TCP11L1: variants seen among roughly 807,000 people sequenced by gnomAD.
TCP11L1 encodes t-complex 11 like 1.
A neutral mutation model predicts 48.9 loss-of-function variants in TCP11L1; 28 were observed. The observed-to-expected ratio is 0.57, with a 90% CI of 0.42 to 0.78. TCP11L1 has a LOEUF of 0.78. TCP11L1 is among the 30% of genes least tolerant of loss of function. The pLI is 0.00. For synonymous variants in TCP11L1, 204 were observed against 231.9 expected, an observed-to-expected ratio of 0.88 and a Z score of 1.09; for missense variants, 505 against 613.4, an observed-to-expected ratio of 0.82 and a Z score of 1.87.
At position 33,060,980 on chromosome 11, in the gene TCP11L1, G is replaced by A. The variant is rs369163879; in HGVS notation, c.776-550G>A. Reference sequence around the variant, plus strand: ...ACTATTATTATTATTATTTTAGACAGGGTCTAGCTCTGTCCCCCAGGCTGG... The same window carrying A: ...ACTATTATTATTATTATTTTAGACAAGGTCTAGCTCTGTCCCCCAGGCTGG... On this transcript the variant is annotated intron_variant, in intron 6 of 9. Coordinates refer to ENST00000334274, the MANE Select transcript of TCP11L1 (RefSeq NM_018393.4). 8.5e-5 allele frequency among the ~76,000 whole-genome samples: 13 copies of A among 152,162 alleles called. No homozygotes were observed. In the East Asian group the frequency reaches 2.1e-3, roughly 25 times the overall value.
chr11:33,055,940 C>T (rs1222474601), intron 3 of TCP11L1, among the ~76,000 whole-genome samples: 5 of 152,174 alleles, frequency 3.3e-5, no homozygotes, highest in Non-Finnish European at 7.4e-5. Flanking sequence ...GACTTAGCCT[C>T]CTGAGTAGCT....
chr11:33,055,624 G>A (rs1854287302), intron 3 of TCP11L1, among the ~76,000 whole-genome samples: 1 of 152,132 alleles, frequency 6.6e-6, no homozygotes, highest in South Asian at 2.1e-4. Context: ...AGAGTATATT[G>A]TTGCCCTGAA....
At chr11:33,055,361 G>A (rs1006989929) in intron 3 of TCP11L1, among the ~76,000 whole-genome samples, 1 of 152,182 alleles carries the variant, frequency 6.6e-6, no homozygotes, top group Non-Finnish European at 1.5e-5. Flanking sequence ...GAATGCTGCA[G>A]CTCCAAGCAT....
chr11:33,050,838 A>C (rs1474750842), intron 2 of TCP11L1, among the ~76,000 whole-genome samples: 7 of 151,228 alleles, frequency 4.6e-5, no homozygotes, highest in African/African-American at 1.7e-4. Context: ...TTTTTAGACA[A>C]GGTCTCTATC....
At chr11:33,052,426 G>GT (rs2133708522) in intron 2 of TCP11L1, among the ~76,000 whole-genome samples, 1 of 150,736 alleles carries the variant, frequency 6.6e-6, no homozygotes, top group East Asian at 1.9e-4. Flanking sequence ...ACCAAATAAA[G>GT]TTTTTTACCA....
chr11:33,042,933 G>T (rs1202158704), intron 1 of TCP11L1, among the ~76,000 whole-genome samples: 4 of 152,240 alleles, frequency 2.6e-5, no homozygotes. Context: ...AGGCATGGTG[G>T]TGGGCGCCTA....
chr11:33,067,055 A>C (rs1374749963), intron 8 of TCP11L1, among the ~76,000 whole-genome samples: 2 of 152,178 alleles, frequency 1.3e-5, no homozygotes, highest in Non-Finnish European at 2.9e-5. Context: ...GAGGAAGGTC[A>C]TGAGAGAAAC....
At chr11:33,061,912 C>G (rs970011615) in intron 7 of TCP11L1, among the ~76,000 whole-genome samples, 186 bp downstream of exon 7, 11 of 152,132 alleles carry the variant, frequency 7.2e-5, no homozygotes, top group Non-Finnish European at 1.6e-4. Flanking sequence ...AAAACACCCT[C>G]TGTACTAAAA....
chr11:33,054,628 C>G lies in TCP11L1; in HGVS notation c.199C>G (p.Leu67Val), dbSNP rs1338664736. Reference sequence around the variant, plus strand: ...TCGCTTTGTGACAGTAGAAGAACTTCTAGAGACAGCGAGAGGTGTCACCAA... The same window carrying G: ...TCGCTTTGTGACAGTAGAAGAACTTGTAGAGACAGCGAGAGGTGTCACCAA... ...PPRFVTVEEL[L>V]ETARGVTNMA... Residue 67 changes from leucine (L) to valine (V), a missense_variant, in exon 3 of 10, where the codon CTA (leucine) becomes GTA (valine). Transcript: ENST00000334274. 2.5e-6 allele frequency: 4 copies of G among 1,613,952 alleles called. No homozygotes were observed. Among genetic ancestry groups the G allele is most frequent in the Non-Finnish European group, 3.4e-6 (4 of 1,179,950 alleles).
chr11:33,065,501 G>C (rs1854587765), intron 7 of TCP11L1, among the ~76,000 whole-genome samples: 1 of 152,178 alleles, frequency 6.6e-6, no homozygotes, highest in South Asian at 2.1e-4. Context: ...GACCTCAGGT[G>C]ATCTGCCCAC....
intron 2 of TCP11L1, among the ~76,000 whole-genome samples, chr11:33,044,340 CT>C (rs1176211494): frequency 6.6e-6 from 1 of 152,216 alleles, no homozygotes; most frequent in Non-Finnish European, 1.5e-5. Context: ...CCCTAATTCT[CT>C]GCCTGGGGGC....
chr11:33,054,338 G>A (rs1854249438), intron 2 of TCP11L1, among the ~76,000 whole-genome samples: 1 of 151,640 alleles, frequency 6.6e-6, no homozygotes, highest in Admixed American at 6.6e-5. Flanking sequence ...TCAGTTTACT[G>A]TAATTATTTT....
chr11:33,068,811 C>G lies in TCP11L1; in HGVS notation c.1279C>G (p.Gln427Glu). The change falls in exon 9 of 10, where the codon CAG (glutamine) becomes GAG (glutamate). Residue 427 changes from glutamine to glutamate, a missense_variant. This residue lies in a region of TCP11L1 where 335 missense variants were observed against 413.3 expected (regional missense o/e 0.81). Coordinates refer to ENST00000334274, the MANE Select transcript of TCP11L1 (RefSeq NM_018393.4). ...GGACAAGGAGACCGTGCTCAAGGGCCAGATCCAGGCCGTGGCCAGTCCCGA... is the reference window on the plus strand; with the variant it reads ...GGACAAGGAGACCGTGCTCAAGGGCGAGATCCAGGCCGTGGCCAGTCCCGA... ...TTDKETVLKGQIQAVASPDDP... is the reference protein window; with the variant it reads ...TTDKETVLKGEIQAVASPDDP... 1 of 1,614,154 alleles carries G rather than the reference C, an allele frequency of 6.2e-7. No individual in the cohort carries two copies. Among genetic ancestry groups the G allele is most frequent in the Non-Finnish European group, 8.5e-7 (1 of 1,180,012 alleles).
At chr11:33,044,301 TA>T (rs201514835) in intron 2 of TCP11L1, among the ~76,000 whole-genome samples, 1 of 149,508 alleles carries the variant, frequency 6.7e-6, no homozygotes, top group Admixed American at 6.7e-5. Context: ...TTGTGCAGGT[TA>T]AAAAAAAATG....
Position 33,061,546 on chromosome 11 carries a change from C to T in TCP11L1, c.792C>T (p.Val264=). ...LERQPNSLDF[V]TQWLEEASED... ...TTTTCACAGATTCCCTGGACTTTGT[C>T]ACCCAGTGGCTGGAAGAAGCCTCAG... The change falls in exon 7 of 10, where the codon GTC becomes GTT. Residue 264 remains valine, a synonymous_variant. Transcript: ENST00000334274. 1 of 1,604,728 alleles carries T rather than the reference C, an allele frequency of 6.2e-7. No individual in the cohort carries two copies. Among genetic ancestry groups the T allele is most frequent in the Non-Finnish European group, 8.5e-7 (1 of 1,175,190 alleles).
chr11:33,071,304 A>G (rs1854782806), intron 9 of TCP11L1, among the ~76,000 whole-genome samples: 1 of 151,970 alleles, frequency 6.6e-6, no homozygotes, highest in East Asian at 1.9e-4. Flanking sequence ...ACAGAGTGAA[A>G]CTGTGTCTCG....
intron 1 of TCP11L1, among the ~76,000 whole-genome samples, chr11:33,043,107 C>T (rs7950293): frequency 0.41 from 62,020 of 152,030 alleles, 12,845 homozygotes; most frequent in African/African-American, 0.46. Flanking sequence ...TGGTGGCACC[C>T]ACCTGTAATT....
In TCP11L1 at chr11:33,072,553, C is replaced by A. The variant is rs780684400; in HGVS notation, c.1407C>A (p.Leu469=). The A allele has an allele frequency of 6.2e-7, 1 of 1,614,156 alleles. No homozygotes were observed. Among genetic ancestry groups the A allele is most frequent in the South Asian group, 1.1e-5 (1 of 91,078 alleles). Residue 469 remains leucine (L), a synonymous_variant, in exon 10 of 10, where the codon CTC becomes CTA. Coordinates refer to ENST00000334274, the MANE Select transcript of TCP11L1 (RefSeq NM_018393.4). ...QKPLPTVPGG[L]SPVQRELEEV... ...CATTGCCCACAGTCCCTGGGGGACTCAGTCCAGTTCAGAGAGAGCTGGAGG... is the reference window on the plus strand; with the variant it reads ...CATTGCCCACAGTCCCTGGGGGACTAAGTCCAGTTCAGAGAGAGCTGGAGG...
intron 7 of TCP11L1, among the ~76,000 whole-genome samples, chr11:33,064,952 G>A (rs1023825579): frequency 1.3e-5 from 2 of 152,152 alleles, no homozygotes; most frequent in African/African-American, 4.8e-5. Flanking sequence ...CATCGCACCT[G>A]GCCTTCCATT....
Sources: allele counts gnomAD v4.1 joint callset (sites outside exome capture counted in the v4.1 genomes callset), GRCh38; gene constraint gnomAD v4.1.1; regional missense constraint gnomAD v4.1.1; transcripts MANE v1.5; gene names NCBI Gene and HGNC (gene_info 2026-07-23, HGNC 2026-07-21).